The following MYOM3 variants were observed in gnomAD, a reference collection of about 807,000 sequenced individuals.
MYOM3 encodes the protein myomesin-3.
A neutral mutation model predicts 191.7 loss-of-function variants in MYOM3; 155 were observed. The observed-to-expected ratio is 0.81, with a 90% confidence interval of 0.71 to 0.92. MYOM3 has a LOEUF of 0.92. Ranked by LOEUF, MYOM3 falls within the 40% of genes least tolerant of loss-of-function variation. The pLI, the probability that MYOM3 is intolerant of heterozygous loss-of-function variation, is 0.00. For synonymous variants in MYOM3, 757 were observed against 762.9 expected (o/e 0.99, Z 0.13); for missense variants, 1,889 against 1,890.6 (o/e 1.00, Z 0.02).
At chr1:24,100,504 C>G (rs1051670240) in intron 5 of MYOM3, among the ~76,000 whole-genome samples, 1 of 152,204 alleles carries the variant, frequency 6.6e-6, no homozygotes, top group Non-Finnish European at 1.5e-5. Flanking sequence ...GTGGAAGGAA[C>G]CCCAGACCCC....
chr1:24,061,123 G>A, intron 34 of MYOM3, 41 bp from the exon 35 acceptor site: 5 of 1,613,902 alleles, frequency 3.1e-6, no homozygotes, highest in Non-Finnish European at 4.2e-6. Context: ...CATTCCACTT[G>A]CTAAAGGACA....
intron 11 of MYOM3, 145 bp downstream of exon 11, chr1:24,092,029 G>A (rs1339760531): frequency 2.8e-6 from 2 of 711,498 alleles, no homozygotes; most frequent in Non-Finnish European, 4.1e-6. Flanking sequence ...AAATGACACA[G>A]CACAGCCTGT....
In MYOM3 at chr1:24,099,713, T is replaced by C. The variant is rs1643898778; in HGVS notation, c.623A>G (p.Asn208Ser). 4 of 1,613,834 alleles carry C rather than the reference T, an allele frequency of 2.5e-6. No homozygotes were observed. Among genetic ancestry groups the C allele is most frequent in the South Asian group, 2.2e-5 (2 of 91,078 alleles). ...CTCCAGGGACAGCAGCCCGTAGTTG[T>C]TGGTGATTCGGTATTTTCCGGCACG... ...LFRAGKYRIT[N>S]NYGLLSLEIR... The change falls in exon 6 of 37, where the codon AAC becomes AGC. Residue 208 changes from asparagine (N) to serine (S), a missense_variant. Physicochemically the swap from Asn to Ser is conservative, Grantham distance 46 (BLOSUM62 1). Transcript: ENST00000374434.
At position 24,092,942 on chromosome 1, in the gene MYOM3, C is replaced by T; in HGVS notation, c.1090+5G>A. On this transcript the variant is annotated splice_donor_5th_base_variant and intron_variant, in intron 10 of 36. Transcript: ENST00000374434. ...CTGCTACCCTGCGCCCACCCATGCC[C>T]TCACCTCTCACAAGCACGTAGGTGC... The T allele has an allele frequency of 1.3e-6, 2 of 1,554,642 alleles. No homozygotes were observed. The highest frequency in any genetic ancestry group is 2.4e-5 in the South Asian group (2 of 83,716).
rs576590693 is a variant in MYOM3, at chr1:24,090,136, C to T, written c.1433-18G>A. On this transcript the variant is annotated intron_variant, in intron 12 of 36. Transcript: ENST00000374434. The stretch of plus-strand genomic sequence containing the variant: ...GGGGATCTCTAGGATGAGAAGGGAG[C>T]ATGGGAGGGTGGGGGGTGGCACAGG... 4.4e-5 allele frequency: 71 copies of T among 1,596,928 alleles called. No homozygotes were observed. The South Asian group carries it at 6.5e-4, about 15-fold the overall frequency.
chr1:24,064,138 T>A lies in MYOM3; in HGVS notation c.3556A>T (p.Ile1186Phe). Residue 1186 changes from isoleucine to phenylalanine, a missense_variant, in exon 30 of 37, where the codon ATT becomes TTT. Coordinates refer to ENST00000374434, the MANE Select transcript of MYOM3 (RefSeq NM_152372.4). ...IEELSKKDKG[I>F]YRAMVSDDRG... is the part of the protein sequence containing the mutation. The stretch of plus-strand genomic sequence containing the variant: ...TCGTCAGAAACCATCGCTCTGTAAA[T>A]TCCCTTGTCCTTTTTGGACAACTGG... 1 of 1,613,884 alleles carries A rather than the reference T, an allele frequency of 6.2e-7. No homozygotes were observed. The highest frequency in any genetic ancestry group is 1.1e-5 in the South Asian group (1 of 91,076).
At position 24,057,218 on chromosome 1, in the gene MYOM3, C is replaced by T. The variant is rs189167976; in HGVS notation, c.*146G>A. 1.8e-4 allele frequency: 149 copies of T among 807,946 alleles called. No individual in the cohort carries two copies. In the East Asian group the frequency reaches 3.5e-3, roughly 19 times the overall value. The allele number at this position is 807,946 out of a possible 1,614,324, so 50.0% of individuals were successfully genotyped here. A position where few individuals can be genotyped will look rare whatever the true frequency, so the allele number is the denominator to read the frequency against. On this transcript the variant is annotated 3_prime_UTR_variant, in exon 37 of 37. Transcript: ENST00000374434. Reference sequence around the variant, plus strand: ...GCTTCTCCACTTTGGTGCATCCGCTCCACCCCCACCCTCACATCCTGGGTT... The same window carrying T: ...GCTTCTCCACTTTGGTGCATCCGCTTCACCCCCACCCTCACATCCTGGGTT...
chr1:24,098,292 T>A (rs749074202), intron 6 of MYOM3, among the ~76,000 whole-genome samples: 1 of 152,232 alleles, frequency 6.6e-6, no homozygotes, highest in African/African-American at 2.4e-5. Flanking sequence ...TATTGCTGAC[T>A]GTGGAGGATC....
chr1:24,068,091 A>G (rs1643475687), intron 26 of MYOM3, 62 bp from the exon 27 acceptor site: 2 of 1,548,644 alleles, frequency 1.3e-6, no homozygotes, highest in Admixed American at 1.7e-5. Flanking sequence ...GAGAGGGGAC[A>G]TGGGGTGGAC....
chr1:24,097,132 G>C (rs12085361), intron 7 of MYOM3, among the ~76,000 whole-genome samples: 3,219 of 152,314 alleles, frequency 0.021, 122 homozygotes, highest in African/African-American at 0.072. Flanking sequence ...AAGCCCAGCT[G>C]GAAAATGTGC....
chr1:24,081,541 C>A (rs1643668850), intron 18 of MYOM3, 85 bp from the exon 19 acceptor site: 3 of 1,506,964 alleles, frequency 2.0e-6, no homozygotes, highest in Non-Finnish European at 2.7e-6. Flanking sequence ...GGACTCAGAG[C>A]AGGTGGTCTG....
intron 25 of MYOM3, among the ~76,000 whole-genome samples, chr1:24,069,615 CT>C (rs66925187): frequency 0.5 from 68,357 of 136,834 alleles, 16,350 homozygotes; most frequent in East Asian, 0.61. Context: ...TTCTTTCTTT[CT>C]TTTTTTTTTT....
intron 5 of MYOM3, among the ~76,000 whole-genome samples, chr1:24,105,232 G>A (rs1026488178): frequency 2.0e-5 from 3 of 152,172 alleles, no homozygotes; most frequent in South Asian, 2.1e-4. Context: ...CATGCAGGCC[G>A]GACAGGAGGT....
chr1:24,089,138 C>T (rs138315594), intron 14 of MYOM3, among the ~76,000 whole-genome samples: 3,759 of 152,290 alleles, frequency 0.025, 51 homozygotes, highest in Middle Eastern at 0.037. Context: ...CTGCTGGTGC[C>T]TGTCCCTGGC....
At chr1:24,100,233 G>T (rs1260705112) in intron 5 of MYOM3, among the ~76,000 whole-genome samples, 1 of 152,180 alleles carries the variant, frequency 6.6e-6, no homozygotes, top group Non-Finnish European at 1.5e-5. Context: ...GCCACTCTGA[G>T]CCTCAGTTGT....
chr1:24,076,326 A>T, intron 20 of MYOM3, 53 bp from the exon 21 acceptor site: 1 of 1,370,276 alleles, frequency 7.3e-7, no homozygotes, highest in Non-Finnish European at 1.0e-6. Context: ...CTCTTCCTGA[A>T]ACCTGGGCCC....
Position 24,057,266 on chromosome 1 carries a change from G to T in MYOM3, c.*98C>A. On this transcript the variant is annotated 3_prime_UTR_variant, in exon 37 of 37. Transcript: ENST00000374434. ...GTTCTATCTTGTCCCCTTTCCTTCT[G>T]CCCCACCCCTGTAGCCTGTGCCAGG... 2.4e-6 allele frequency: 3 copies of T among 1,266,654 alleles called. No individual in the cohort carries two copies. The highest frequency in any genetic ancestry group is 3.3e-6 in the Non-Finnish European group (3 of 910,156). The allele number at this position is 1,266,654 out of a possible 1,614,324, so 78.5% of individuals were successfully genotyped here.
rs567345548 is a variant in MYOM3, at chr1:24,066,396, C to T, written c.3424-395G>A. On this transcript the variant is annotated intron_variant, in intron 28 of 36. Coordinates refer to ENST00000374434, the MANE Select transcript of MYOM3 (RefSeq NM_152372.4). ...CAGAGACCACTTCATCATCTTTGTA[C>T]GTTCAGTACCGTGCAGAGTGGCACA... 1.2e-3 allele frequency: 725 copies of T among 611,352 alleles called. 11 individuals are homozygous for T. The highest frequency in any genetic ancestry group is 0.01 in the South Asian group (531 of 50,648). 37.9% of individuals were successfully genotyped at this position (611,352 alleles called of 1,614,324 possible).
intron 10 of MYOM3, 33 bp downstream of exon 10, chr1:24,092,914 C>A: frequency 6.8e-7 from 1 of 1,473,372 alleles, no homozygotes; most frequent in East Asian, 2.5e-5. Flanking sequence ...CTCTGGGCTC[C>A]TGCTGCTACC....
Sources: gnomAD v4.1 joint callset for allele counts (sites outside exome capture counted in the v4.1 genomes callset) on GRCh38, gnomAD v4.1.1 for gene constraint, MANE v1.5 for transcripts, NCBI Gene and HGNC (gene_info 2026-07-23, HGNC 2026-07-21) for gene names.